The following GNRH2 variants were observed in gnomAD, a reference collection of about 807,000 sequenced individuals.
GNRH2 encodes the protein gonadotropin releasing hormone 2, also known as progonadoliberin-2.
Under a neutral mutation model 12.1 loss-of-function variants are expected in GNRH2, and 15 were observed. That is an observed-to-expected ratio of 1.24 (90% CI 0.83 to 1.90). The LOEUF (loss-of-function observed/expected upper bound fraction) is 1.90. Among genes scored for constraint, GNRH2 ranks in the 40% most tolerant of loss-of-function variants. The pLI, the probability that GNRH2 is intolerant of heterozygous loss-of-function variation, is 0.00. For missense variants in GNRH2, 143 were observed against 141.4 expected (o/e 1.01, Z -0.06); for synonymous variants, 60 against 62.0 (o/e 0.97, Z 0.15).
intron 1 of GNRH2, 55 bp from the exon 2 acceptor site, chr20:3,044,353 T>G: frequency 2.1e-6 from 3 of 1,455,256 alleles, no homozygotes; most frequent in Non-Finnish European, 2.9e-6. Flanking sequence ...CTGGAGGAAG[T>G]AGGGGGATGT....
chr20:3,045,710 G>A lies in GNRH2; in HGVS notation c.316G>A (p.Ala106Thr), dbSNP rs562841671. 5 of 1,561,414 alleles carry A rather than the reference G, an allele frequency of 3.2e-6. No homozygotes were observed. The African/African-American group carries it at 5.4e-5, about 17-fold the overall frequency. ...GACCGCAGCCCGAGAGCCCCGCCCC[G>A]CCCCGCCATCCTCCAATAAAGTGTG... ...LLTAAREPRP[A>T]PPSSNKV The change falls in exon 4 of 4, where the codon GCC (alanine) becomes ACC (threonine). Residue 106 changes from alanine (A) to threonine (T), a missense_variant. Ala to Thr is a moderately conservative substitution (Grantham distance 58, BLOSUM62 0). Coordinates refer to ENST00000359100, the MANE Select transcript of GNRH2 (RefSeq NM_178331.2).
rs758855033 is a variant in GNRH2, at chr20:3,044,520, C to T, written c.106C>T (p.Arg36Ter). 55 of 1,613,672 alleles carry T rather than the reference C, an allele frequency of 3.4e-5. No homozygotes were observed. Among genetic ancestry groups the T allele is most frequent in the Non-Finnish European group, 4.5e-5 (53 of 1,179,978 alleles). Residue 36 changes from arginine (R) to a stop codon, truncating the protein, a stop_gained, in exon 2 of 4, where the codon CGA becomes TGA. Transcript: ENST00000359100. LOFTEE classifies it high-confidence loss of function. The part of the protein sequence containing the change: ...WSHGWYPGGK[R>*]ALSSAQDPQN... ...CCATGGCTGGTACCCTGGAGGAAAG[C>T]GAGCCCTCAGCTCAGCCCAGGATCC...
intron 1 of GNRH2, 69 bp from the exon 2 acceptor site, chr20:3,044,339 G>A: frequency 7.7e-7 from 1 of 1,306,590 alleles, no homozygotes; most frequent in South Asian, 1.2e-5. Context: ...TTTCCAAAGT[G>A]GCCCTGGAGG....
intron 1 of GNRH2, 175 bp from the exon 2 acceptor site, chr20:3,044,233 C>G: frequency 3.5e-6 from 2 of 578,844 alleles, no homozygotes; most frequent in Non-Finnish European, 6.2e-6. Context: ...GGGCCAGGAT[C>G]CCCCAGGATC....
chr20:3,044,017 C>T (rs1225564910), intron 1 of GNRH2: 1 of 214,772 alleles, frequency 4.7e-6, no homozygotes, highest in Admixed American at 5.0e-5. Flanking sequence ...ATTGAGAACT[C>T]CCCTGACCAT....
rs142148662 is a variant in GNRH2, at chr20:3,044,422, G to A, written c.8G>A (p.Ser3Asn). 1.7e-5 allele frequency: 27 copies of A among 1,613,302 alleles called. No homozygotes were observed. The highest frequency in any genetic ancestry group is 2.2e-5 in the Non-Finnish European group (26 of 1,179,666). Residue 3 changes from serine to asparagine, a missense_variant, in exon 2 of 4, where the codon AGC (serine) becomes AAC (asparagine). Coordinates refer to ENST00000359100, the MANE Select transcript of GNRH2 (RefSeq NM_178331.2). ...CTGTCCATTAGAGCAGCCATGGCCA[G>A]CTCCAGGCGAGGCCTCCTGCTCCTG... Reference protein sequence around the residue: MASSRRGLLLLLL... With the variant: MANSRRGLLLLLL...
At chr20:3,044,277 G>C (rs1161746568) in intron 1 of GNRH2, 131 bp from the exon 2 acceptor site, 2 of 683,882 alleles carry the variant, frequency 2.9e-6, no homozygotes, top group East Asian at 5.1e-5. Flanking sequence ...AGGAGCGGTG[G>C]CAGAGAGGGA....
intron 1 of GNRH2, chr20:3,044,057 T>G: frequency 3.9e-6 from 1 of 254,860 alleles, no homozygotes. Flanking sequence ...TTGGCCTGAA[T>G]TCAGGTCTCT....
At chr20:3,045,154 G>A (rs1233204863) in intron 3 of GNRH2, among the ~76,000 whole-genome samples, 1 of 152,178 alleles carries the variant, frequency 6.6e-6, no homozygotes, top group Non-Finnish European at 1.5e-5. Context: ...ATCCTGACAA[G>A]CCAATGACTG....
chr20:3,044,744 C>T lies in GNRH2; in HGVS notation c.199C>T (p.Leu67=). 6.2e-7 allele frequency: 1 copy of T among 1,611,674 alleles called. No individual in the cohort carries two copies. Among genetic ancestry groups the T allele is most frequent in the Non-Finnish European group, 8.5e-7 (1 of 1,178,680 alleles). The change falls in exon 3 of 4, where the codon CTG becomes TTG. Residue 67 remains leucine, a synonymous_variant. Transcript: ENST00000359100. ...QTAHGLPSDA[L]APLDDSMPWE... ...TGCCCATGGCCTCCCAAGTGATGCC[C>T]TGGCTCCCCTGGACGACAGCATGCC...
Position 3,044,397 on chromosome 20 carries a change from C to T in GNRH2, c.-7-11C>T. 1.2e-6 allele frequency: 2 copies of T among 1,611,122 alleles called. No individual in the cohort carries two copies. The highest frequency in any genetic ancestry group is 1.3e-5 in the African/African-American group (1 of 74,978). On this transcript the variant is annotated splice_polypyrimidine_tract_variant and intron_variant, in intron 1 of 3. Coordinates refer to ENST00000359100, the MANE Select transcript of GNRH2 (RefSeq NM_178331.2). ...GGTAAGTCTCCTTGAATGCTGTACC[C>T]TGTCCATTAGAGCAGCCATGGCCAG...
chr20:3,043,822 A>G (rs890606472), intron 1 of GNRH2, among the ~76,000 whole-genome samples, 157 bp downstream of exon 1: 1 of 151,930 alleles, frequency 6.6e-6, no homozygotes, highest in Admixed American at 6.6e-5. Context: ...CAGCTCTACC[A>G]TCTATTCTTG....
Position 3,044,304 on chromosome 20 carries a change from C to T in GNRH2, c.-7-104C>T. 1.0e-5 allele frequency: 9 copies of T among 868,380 alleles called. No individual in the cohort carries two copies. In the South Asian group the frequency reaches 1.3e-4, roughly 13 times the overall value. 53.8% of individuals were successfully genotyped at this position (868,380 alleles called of 1,614,324 possible). A position where few individuals can be genotyped will look rare whatever the true frequency, so the allele number is the denominator to read the frequency against. ...AGAGAGGGAAGGGCATAAGGAGATA[C>T]CAAAGCTGCCCCTGAGATGCCAGTT... On this transcript the variant is annotated intron_variant, in intron 1 of 3. Coordinates refer to ENST00000359100, the MANE Select transcript of GNRH2 (RefSeq NM_178331.2).
chr20:3,045,673 TCTCC>T lies in GNRH2; in HGVS notation c.292-8_292-5del. 1 of 1,608,132 alleles carries T rather than the reference TCTCC, an allele frequency of 6.2e-7. No individual in the cohort carries two copies. Among genetic ancestry groups the T allele is most frequent in the Non-Finnish European group, 8.5e-7 (1 of 1,175,652 alleles). Reference sequence around the variant, plus strand: ...AGTGTCCTGAGACATGACCGCCACCTCTCCCTCCGCAGACCGCAGCCCGAGAGCC... The same window carrying T: ...AGTGTCCTGAGACATGACCGCCACCTCTCCGCAGACCGCAGCCCGAGAGCC... On this transcript the variant is annotated splice_polypyrimidine_tract_variant and intron_variant, in intron 3 of 3. Transcript: ENST00000359100.
Position 3,045,715 on chromosome 20 carries a change from G to GCCCCGC in GNRH2, c.323_324insCCGCCC (p.Pro108_Ser109insArgPro). 1 of 1,568,004 alleles carries GCCCCGC rather than the reference G, an allele frequency of 6.4e-7. No individual in the cohort carries two copies. The highest frequency in any genetic ancestry group is 8.8e-7 in the Non-Finnish European group (1 of 1,140,246). ...CAGCCCGAGAGCCCCGCCCCGCCCC[G>GCCCCGC]CCATCCTCCAATAAAGTGTGAGGTT... is the stretch of plus-strand genomic sequence containing the variant. On this transcript the variant is annotated inframe_insertion, in exon 4 of 4. Transcript: ENST00000359100.
intron 3 of GNRH2, 80 bp from the exon 4 acceptor site, chr20:3,045,606 G>A (rs539437304): frequency 1.6e-6 from 2 of 1,222,722 alleles, no homozygotes; most frequent in African/African-American, 1.5e-5. Flanking sequence ...GGGACGAGAG[G>A]GGAGAGAACC....
chr20:3,045,713 C>T lies in GNRH2; in HGVS notation c.319C>T (p.Pro107Ser). The change falls in exon 4 of 4, where the codon CCG becomes TCG. Residue 107 changes from proline to serine, a missense_variant. Transcript: ENST00000359100. ...CGCAGCCCGAGAGCCCCGCCCCGCC[C>T]CGCCATCCTCCAATAAAGTGTGAGG... Reference protein sequence around the residue: ...LTAAREPRPAPPSSNKV With the variant: ...LTAAREPRPASPSSNKV 1 of 1,610,044 alleles carries T rather than the reference C, an allele frequency of 6.2e-7. No homozygotes were observed. Among genetic ancestry groups the T allele is most frequent in the South Asian group, 1.1e-5 (1 of 90,906 alleles).
intron 3 of GNRH2, 57 bp from the exon 4 acceptor site, chr20:3,045,629 G>T: frequency 7.0e-7 from 1 of 1,437,804 alleles, no homozygotes; most frequent in South Asian, 1.2e-5. Context: ...GAAGATGGCA[G>T]CTCGGCGGTT....
At chr20:3,044,366 GGGTGA>G (rs779541728) in intron 1 of GNRH2, 37 bp from the exon 2 acceptor site, 1 of 1,558,606 alleles carries the variant, frequency 6.4e-7, no homozygotes, top group Non-Finnish European at 8.8e-7. Flanking sequence ...GGGGATGTGG[GGGTGA>G]GGTAAGTCTC....
Sources: gnomAD v4.1 joint callset for allele counts (sites outside exome capture counted in the v4.1 genomes callset) on GRCh38, gnomAD v4.1.1 for gene constraint, MANE v1.5 for transcripts, NCBI Gene and HGNC (gene_info 2026-07-23, HGNC 2026-07-21) for gene names.